The following RBFOX1 variants were observed in gnomAD, a reference collection of about 807,000 sequenced individuals.
The protein encoded by RBFOX1 is RNA binding protein fox-1 homolog 1.
In RBFOX1, 8 loss-of-function variants were observed where a neutral mutation model predicts 57.7. The ratio of observed to expected loss-of-function variants is 0.14; its 90% CI spans 0.08 to 0.25. RBFOX1 has a LOEUF of 0.25. Ranked by LOEUF, RBFOX1 falls within the 10% of genes least tolerant of loss-of-function variation. The pLI is 1.00. For missense variants in RBFOX1, 611 were observed against 548.5 expected, an observed-to-expected ratio of 1.11 and a Z score of -1.14; for synonymous variants, 326 against 222.4, an observed-to-expected ratio of 1.47 and a Z score of -4.15.
chr16:7,314,299 T>G (rs982207749), intron 4 of RBFOX1, among the ~76,000 whole-genome samples: 4 of 152,216 alleles, frequency 2.6e-5, no homozygotes, highest in African/African-American at 9.7e-5. Context: ...ACCACTGCTT[T>G]TGTTCACTTG....
chr16:5,348,473 A>C (rs1214959888), intron 1 of RBFOX1, among the ~76,000 whole-genome samples: 2 of 152,242 alleles, frequency 1.3e-5, no homozygotes, highest in Non-Finnish European at 2.9e-5. Context: ...CTCCACTTAC[A>C]GATGAGGAAA....
chr16:7,055,641 C>T (rs2051921635), intron 4 of RBFOX1, among the ~76,000 whole-genome samples: 1 of 152,192 alleles, frequency 6.6e-6, no homozygotes, highest in African/African-American at 2.4e-5. Flanking sequence ...TGGCCAATCT[C>T]TACATCAATC....
Position 7,201,277 on chromosome 16 carries a change from A to G in RBFOX1, c.27+149179A>G, listed in dbSNP as rs532460947. Among the ~76,000 whole-genome samples the G allele has an allele frequency of 1.6e-3, 251 of 152,248 alleles. 2 individuals carry two copies. Among genetic ancestry groups the G allele is most frequent in the African/African-American group, 5.8e-3 (242 of 41,538 alleles). ...AGTGAGCAACACAGCATAGCAGAGA[A>G]ACAACGGAGAGCCAGGTAGTAGAAG... On this transcript the variant is annotated intron_variant, in intron 4 of 15. Coordinates refer to ENST00000550418, the MANE Select transcript of RBFOX1 (RefSeq NM_018723.4).
chr16:7,461,423 C>T (rs182793665), intron 4 of RBFOX1, among the ~76,000 whole-genome samples: 1 of 152,224 alleles, frequency 6.6e-6, no homozygotes, highest in East Asian at 1.9e-4. Context: ...ACCTTAGCCT[C>T]CCAAAGTGCT....
chr16:6,531,698 T>C lies in RBFOX1; in HGVS notation c.-63-122905T>C, dbSNP rs2096660253. On this transcript the variant is annotated intron_variant, in intron 2 of 15. Transcript: ENST00000550418. Reference sequence around the variant, plus strand: ...CTGCCTTTCTAGGAGATAGAGTTTCTCATGGACCCAAACAGGGCTTCTTAA... The same window carrying C: ...CTGCCTTTCTAGGAGATAGAGTTTCCCATGGACCCAAACAGGGCTTCTTAA... Among the ~76,000 whole-genome samples, 2 of 152,192 alleles carry C rather than the reference T, an allele frequency of 1.3e-5. 1 individual carries two copies. The highest frequency in any genetic ancestry group is 4.1e-4 in the South Asian group (2 of 4,828).
intron 1 of RBFOX1, among the ~76,000 whole-genome samples, chr16:5,246,102 T>A (rs1177991531): frequency 6.6e-6 from 1 of 151,962 alleles, no homozygotes; most frequent in Non-Finnish European, 1.5e-5. Flanking sequence ...ATTAGCCAGG[T>A]GTGATGGCAC....
intron 1 of RBFOX1, among the ~76,000 whole-genome samples, chr16:5,427,475 C>A (rs1044010053): frequency 9.9e-5 from 15 of 152,088 alleles, no homozygotes; most frequent in African/African-American, 3.6e-4. Context: ...ACCCCAGCTA[C>A]TGGGAAGGCT....
intron 3 of RBFOX1, among the ~76,000 whole-genome samples, chr16:5,671,096 C>A (rs1461860596): frequency 1.3e-5 from 2 of 152,232 alleles, no homozygotes; most frequent in Non-Finnish European, 2.9e-5. Context: ...AGAGAAACAT[C>A]CATTAGAAAG....
At chr16:6,161,719 A>C (rs1243101082) in intron 1 of RBFOX1, among the ~76,000 whole-genome samples, 1 of 152,208 alleles carries the variant, frequency 6.6e-6, no homozygotes, top group African/African-American at 2.4e-5. Context: ...TGTCATCTAC[A>C]CACACCTGGC....
At chr16:7,465,111 C>T (rs369365121) in intron 4 of RBFOX1, among the ~76,000 whole-genome samples, 126 of 152,180 alleles carry the variant, frequency 8.3e-4, no homozygotes, top group African/African-American at 2.8e-3. Flanking sequence ...TCCTTAGAAC[C>T]CCAAGTTATT....
At position 7,491,889 on chromosome 16, in the gene RBFOX1, A is replaced by G. The variant is rs144458268; in HGVS notation, c.28-26258A>G. On this transcript the variant is annotated intron_variant, in intron 4 of 15. Transcript: ENST00000550418. ...TAGTAATTTACAACTTCTCTGGCCA[A>G]TCTTCCAAATCTGGCTAATTTTCAT... is the stretch of plus-strand genomic sequence containing the variant. Among the ~76,000 whole-genome samples, 898 of 152,248 alleles carry G rather than the reference A, an allele frequency of 5.9e-3. 11 individuals carry two copies. The highest frequency in any genetic ancestry group is 0.021 in the African/African-American group (872 of 41,550).
intron 3 of RBFOX1, among the ~76,000 whole-genome samples, chr16:6,869,009 A>T (rs1022834648): frequency 2.6e-5 from 4 of 152,194 alleles, no homozygotes; most frequent in African/African-American, 9.7e-5. Context: ...TGACTACAAA[A>T]AACAAAAGTT....
intron 1 of RBFOX1, among the ~76,000 whole-genome samples, chr16:6,205,352 G>T (rs2097247863): frequency 6.6e-6 from 1 of 152,152 alleles, no homozygotes; most frequent in African/African-American, 2.4e-5. Context: ...TTTCAGTTCT[G>T]CATCAAAGCT....
chr16:5,723,569 C>T lies in RBFOX1; in HGVS notation c.318+124608C>T, dbSNP rs115773070. Among the ~76,000 whole-genome samples the T allele has an allele frequency of 7.5e-3, 990 of 132,496 alleles. 57 individuals are homozygous for T. Among genetic ancestry groups the T allele is most frequent in the African/African-American group, 0.04 (933 of 23,192 alleles). 86.9% of individuals were successfully genotyped at this position (132,496 alleles called of 152,430 possible). A position where few individuals can be genotyped will look rare whatever the true frequency, so the allele number is the denominator to read the frequency against. On this transcript the variant is annotated intron_variant, in intron 3 of 19. Transcript: ENST00000641259. ...CTTTGGTCTAAGGTTGAGTAGTCAG[C>T]CCACAGGAAACTGTGGATTAAACAG... is the stretch of plus-strand genomic sequence containing the variant.
chr16:5,861,787 G>T (rs1334535720), intron 3 of RBFOX1, among the ~76,000 whole-genome samples: 1 of 152,166 alleles, frequency 6.6e-6, no homozygotes, highest in African/African-American at 2.4e-5. Flanking sequence ...AAAGGATGTT[G>T]TTGCCCTTTC....
intron 4 of RBFOX1, among the ~76,000 whole-genome samples, chr16:5,969,475 C>G (rs913690966): frequency 7.4e-5 from 7 of 94,380 alleles, no homozygotes; most frequent in African/African-American, 2.4e-4. Context: ...TCACGCCTGG[C>G]TATTTTTTTT....
intron 1 of RBFOX1, among the ~76,000 whole-genome samples, chr16:5,360,695 G>A (rs1313939071): frequency 6.6e-6 from 1 of 152,212 alleles, no homozygotes; most frequent in East Asian, 1.9e-4. Flanking sequence ...AAGGACGTAG[G>A]GAAACTGGCA....
intron 3 of RBFOX1, among the ~76,000 whole-genome samples, chr16:5,851,495 G>A (rs1036760296): frequency 1.3e-5 from 2 of 152,126 alleles, no homozygotes; most frequent in Non-Finnish European, 2.9e-5. Flanking sequence ...CAGCCCTGCC[G>A]AAGAAGATGA....
chr16:5,440,854 A>G (rs664351), intron 1 of RBFOX1, among the ~76,000 whole-genome samples: 85,117 of 151,928 alleles, frequency 0.56, 24,036 homozygotes, highest in East Asian at 0.63. Context: ...TCAACTCACT[A>G]GTTTACTATT....
Sources: allele counts gnomAD v4.1 joint callset (sites outside exome capture counted in the v4.1 genomes callset), GRCh38; gene constraint gnomAD v4.1.1; transcripts MANE v1.5; gene names NCBI Gene and HGNC (gene_info 2026-07-23, HGNC 2026-07-21).